The following CDH4 variants were observed in gnomAD, a reference collection of about 807,000 sequenced individuals.
The protein encoded by CDH4 is cadherin 4, also known as cadherin-4.
A neutral mutation model predicts 86.0 loss-of-function variants in CDH4; 33 were observed. That is an observed-to-expected ratio of 0.38 (90% CI 0.29 to 0.51). The LOEUF (loss-of-function observed/expected upper bound fraction) is 0.51. Among genes scored for constraint, CDH4 ranks in the 20% least tolerant of loss-of-function variants. The pLI is 0.86. For missense variants in CDH4, 1,114 were observed against 1,307.4 expected (o/e 0.85, Z 2.28); for synonymous variants, 555 against 549.4 (o/e 1.01, Z -0.14).
chr20:61,408,723 A>G lies in CDH4; in HGVS notation c.169+153786A>G, dbSNP rs537738212. ...CCTTCCTGGTTCCATTTCATTTTGC[A>G]TACAACACCATGGAATCACATGATG... is the stretch of plus-strand genomic sequence containing the variant. On this transcript the variant is annotated intron_variant, in intron 2 of 15. Coordinates refer to ENST00000614565, the MANE Select transcript of CDH4 (RefSeq NM_001794.5). Among the ~76,000 whole-genome samples the G allele has an allele frequency of 1.1e-3, 31 of 28,488 alleles. No homozygotes were observed. In the African/African-American group the frequency reaches 0.011, roughly 10 times the overall value. The allele number at this position is 28,488 out of a possible 152,430, so 18.7% of individuals were successfully genotyped here.
rs1980209376 is a variant in CDH4 at position 61,807,704 on chromosome 20, A to T, written c.576+34522A>T. 6.6e-6 allele frequency among the ~76,000 whole-genome samples: 1 copy of T among 152,222 alleles called. No homozygotes were observed. Among genetic ancestry groups the T allele is most frequent in the Non-Finnish European group, 1.5e-5 (1 of 68,046 alleles). The stretch of plus-strand genomic sequence containing the variant: ...GAACTGTGGACGGCTCTTCAGACTC[A>T]AACGGTGTGATGAACAAACCGACTC... On this transcript the variant is annotated intron_variant, in intron 4 of 15. Coordinates refer to ENST00000614565, the MANE Select transcript of CDH4 (RefSeq NM_001794.5). This position sits in a 1 kb window ranked among gnomAD's most constrained non-coding sequence, Gnocchi z 4.5.
intron 8 of CDH4, among the ~76,000 whole-genome samples, chr20:61,904,239 G>A (rs552024051): frequency 5.3e-5 from 8 of 152,308 alleles, no homozygotes; most frequent in African/African-American, 1.4e-4. Flanking sequence ...TGGAAGGGGC[G>A]CAGGCGTGCC....
intron 2 of CDH4, among the ~76,000 whole-genome samples, chr20:61,579,947 T>A (rs1024840098): frequency 4.7e-5 from 7 of 148,618 alleles, no homozygotes; most frequent in African/African-American, 1.5e-4. Flanking sequence ...TTTCTGAATT[T>A]AAAAAAAAAA....
intron 2 of CDH4, among the ~76,000 whole-genome samples, chr20:61,382,057 C>T (rs956513880): frequency 6.7e-6 from 1 of 149,832 alleles, no homozygotes; most frequent in Non-Finnish European, 1.5e-5. Flanking sequence ...GCCTGGAAAA[C>T]AAGAAAAAAA....
chr20:61,762,751 G>T (rs1373201100), intron 3 of CDH4, among the ~76,000 whole-genome samples: 3 of 152,230 alleles, frequency 2.0e-5, no homozygotes, highest in Admixed American at 2.0e-4. Flanking sequence ...CAGCATTGCG[G>T]GTTCACAGGG....
intron 2 of CDH4, among the ~76,000 whole-genome samples, chr20:61,449,186 G>A (rs1405559675): frequency 1.3e-5 from 2 of 152,180 alleles, no homozygotes; most frequent in Non-Finnish European, 2.9e-5. Flanking sequence ...CCACATTAGC[G>A]TTTTAACCCA....
At chr20:61,867,743 G>T (rs1247527025) in intron 6 of CDH4, among the ~76,000 whole-genome samples, 1 of 152,116 alleles carries the variant, frequency 6.6e-6, no homozygotes, top group Non-Finnish European at 1.5e-5. Flanking sequence ...CCATGGCATT[G>T]GTTTAAAGCC....
chr20:61,296,324 C>CGTGT (rs140943090), intron 2 of CDH4, among the ~76,000 whole-genome samples: 1 of 145,544 alleles, frequency 6.9e-6, no homozygotes, highest in Non-Finnish European at 1.5e-5. Flanking sequence ...TGCATGCGTG[C>CGTGT]GTGTGTGTGT....
intron 2 of CDH4, among the ~76,000 whole-genome samples, chr20:61,666,080 CT>C (rs142466926): frequency 0.039 from 6,009 of 152,296 alleles, 150 homozygotes; most frequent in Non-Finnish European, 0.061. Context: ...CCAAATCCCA[CT>C]TGTGTTTTCC....
intron 2 of CDH4, among the ~76,000 whole-genome samples, chr20:61,730,149 G>A (rs192870909): frequency 7.2e-5 from 11 of 152,168 alleles, no homozygotes; most frequent in African/African-American, 1.9e-4. Context: ...TGTCAGTACC[G>A]ACGCGTTATT....
At chr20:61,901,469 G>C (rs1044241884) in intron 8 of CDH4, among the ~76,000 whole-genome samples, 1 of 152,288 alleles carries the variant, frequency 6.6e-6, no homozygotes, top group African/African-American at 2.4e-5. Flanking sequence ...ACAGCTGGCT[G>C]TGTCCCCAGG....
chr20:61,929,721 C>A lies in CDH4; in HGVS notation c.2118C>A (p.Ile706=). 1 of 1,614,228 alleles carries A rather than the reference C, an allele frequency of 6.2e-7. No individual in the cohort carries two copies. The highest frequency in any genetic ancestry group is 8.5e-7 in the Non-Finnish European group (1 of 1,180,036). The part of the protein sequence containing the change: ...GNPPLSNTSI[I]KVKVCPCDDN... ...CTCCCCTGTCCAACACGTCCATCAT[C>A]AAAGTCAAGGTGTGCCCATGTGATG... Residue 706 remains isoleucine, a synonymous_variant, in exon 13 of 16, where the codon ATC becomes ATA. Coordinates refer to ENST00000614565, the MANE Select transcript of CDH4 (RefSeq NM_001794.5).
intron 2 of CDH4, among the ~76,000 whole-genome samples, chr20:61,367,227 C>T (rs1275380432): frequency 1.3e-5 from 2 of 149,120 alleles, no homozygotes; most frequent in East Asian, 4.1e-4. Flanking sequence ...TCCCTGAGAT[C>T]ACATTTCCTA....
chr20:61,869,111 C>T (rs6089533), intron 6 of CDH4, among the ~76,000 whole-genome samples: 78,724 of 152,146 alleles, frequency 0.52, 22,053 homozygotes, highest in Non-Finnish European at 0.62. Flanking sequence ...GATGGTAAAA[C>T]ATTATTTTCC....
intron 2 of CDH4, among the ~76,000 whole-genome samples, chr20:61,398,789 G>A (rs2085033146): frequency 6.6e-6 from 1 of 152,220 alleles, no homozygotes; most frequent in Non-Finnish European, 1.5e-5. Context: ...ACACAATTAT[G>A]TCTTGGAGGA....
intron 2 of CDH4, among the ~76,000 whole-genome samples, chr20:61,642,161 A>G (rs1325815326): frequency 1.3e-5 from 2 of 152,248 alleles, no homozygotes; most frequent in Non-Finnish European, 2.9e-5. Context: ...AAAAATGAGT[A>G]TGGTCTAGCC....
Position 61,587,711 on chromosome 20 carries a change from C to T in CDH4, c.170-155852C>T, listed in dbSNP as rs188609671. On this transcript the variant is annotated intron_variant, in intron 2 of 15. Coordinates refer to ENST00000614565, the MANE Select transcript of CDH4 (RefSeq NM_001794.5). ...GGCTGTAGGGTAACTCAAAGGCGGA[C>T]GGCCTTACAGTCACCCACCGTGTTC... Among the ~76,000 whole-genome samples the T allele has an allele frequency of 2.1e-3, 316 of 152,190 alleles. 3 individuals are homozygous for T. Among genetic ancestry groups the T allele is most frequent in the Non-Finnish European group, 1.8e-3 (124 of 67,994 alleles).
rs370396709 is a variant in CDH4 at position 61,853,791 on chromosome 20, G to T, written c.877+893G>T. ...AAACCCCAGGGGGCTTCTGTGTGAG[G>T]GGAGCAGCTCCCCACTGTGGCTGCC... is the stretch of plus-strand genomic sequence containing the variant. On this transcript the variant is annotated intron_variant, in intron 6 of 15. Coordinates refer to ENST00000614565, the MANE Select transcript of CDH4 (RefSeq NM_001794.5). 1.2e-4 allele frequency among the ~76,000 whole-genome samples: 19 copies of T among 152,296 alleles called. No individual in the cohort carries two copies. The South Asian group carries it at 3.7e-3, about 30-fold the overall frequency.
chr20:61,553,478 G>T (rs1056270461), intron 2 of CDH4, among the ~76,000 whole-genome samples: 2 of 152,222 alleles, frequency 1.3e-5, no homozygotes, highest in African/African-American at 2.4e-5. Flanking sequence ...CAGCCTTTGA[G>T]GTGTTTCCAT....
Sources: allele counts gnomAD v4.1 joint callset (sites outside exome capture counted in the v4.1 genomes callset), GRCh38; gene constraint gnomAD v4.1.1; non-coding constraint Gnocchi (gnomAD v3.1); transcripts MANE v1.5; gene names NCBI Gene and HGNC (gene_info 2026-07-23, HGNC 2026-07-21).